The following MAGI2 variants were observed in gnomAD, a reference collection of about 807,000 sequenced individuals.
The protein encoded by MAGI2 is membrane associated guanylate kinase, WW and PDZ domain containing 2, also known as membrane-associated guanylate kinase, WW and PDZ domain-containing protein 2.
Under a neutral mutation model 133.3 loss-of-function variants are expected in MAGI2, and 35 were observed. The ratio of observed to expected loss-of-function variants is 0.26; its 90% CI spans 0.20 to 0.35. The LOEUF is 0.35. Among genes scored for constraint, MAGI2 ranks in the 10% least tolerant of loss-of-function variants. The pLI is 1.00. For missense variants in MAGI2, 1,636 were observed against 1,863.4 expected (o/e 0.88, Z 2.25); for synonymous variants, 729 against 710.6 (o/e 1.03, Z -0.41).
chr7:78,097,876 GC>G lies in MAGI2; in HGVS notation c.3568-18792del, dbSNP rs1379753728. Among the ~76,000 whole-genome samples the G allele has an allele frequency of 2.6e-5, 4 of 152,008 alleles. No homozygotes were observed. The East Asian group carries it at 7.7e-4, about 29-fold the overall frequency. ...GTCTAGAACTTTAAATTTAGGAAAG[GC>G]AACTACTTATCTTGGCTGACTTGTG... On this transcript the variant is annotated intron_variant, in intron 20 of 21. Coordinates refer to ENST00000354212, the MANE Select transcript of MAGI2 (RefSeq NM_012301.4).
At chr7:78,683,121 G>T (rs1815875589) in intron 2 of MAGI2, among the ~76,000 whole-genome samples, 1 of 152,274 alleles carries the variant, frequency 6.6e-6, no homozygotes, top group South Asian at 2.1e-4. Flanking sequence ...TGGTGATAAA[G>T]TTGGTTGTGA....
At chr7:78,726,227 A>C (rs1820793466) in intron 2 of MAGI2, among the ~76,000 whole-genome samples, 1 of 152,194 alleles carries the variant, frequency 6.6e-6, no homozygotes, top group African/African-American at 2.4e-5. Context: ...ACCACTGATA[A>C]TTTACAGTAC....
chr7:78,344,761 G>A (rs964627790), intron 8 of MAGI2, among the ~76,000 whole-genome samples: 33 of 152,204 alleles, frequency 2.2e-4, no homozygotes, highest in Non-Finnish European at 1.5e-4. Context: ...TCATATGCCC[G>A]AATAATCTGA....
chr7:78,306,620 G>A (rs987131475), intron 9 of MAGI2, among the ~76,000 whole-genome samples: 1 of 152,098 alleles, frequency 6.6e-6, no homozygotes, highest in Non-Finnish European at 1.5e-5. Flanking sequence ...TAAAATTATG[G>A]TTTTATGCAC....
chr7:78,405,686 A>G (rs1034950936), intron 6 of MAGI2, among the ~76,000 whole-genome samples: 1 of 152,082 alleles, frequency 6.6e-6, no homozygotes, highest in African/African-American at 2.4e-5. Flanking sequence ...GGAGAAAAAC[A>G]CTATTCATCT....
chr7:78,979,051 A>T (rs10240540), intron 2 of MAGI2, among the ~76,000 whole-genome samples: 9,025 of 151,996 alleles, frequency 0.059, 831 homozygotes, highest in African/African-American at 0.2. Context: ...GACATCAGTA[A>T]AAACTCAAGT....
intron 6 of MAGI2, among the ~76,000 whole-genome samples, chr7:78,439,330 C>T (rs1176098593): frequency 2.0e-5 from 3 of 152,178 alleles, no homozygotes; most frequent in Admixed American, 6.6e-5. Flanking sequence ...AAGGAACTTA[C>T]AGTCAAGCTA....
chr7:78,163,862 G>A (rs375181042), intron 15 of MAGI2, among the ~76,000 whole-genome samples: 4 of 145,886 alleles, frequency 2.7e-5, no homozygotes, highest in Non-Finnish European at 5.9e-5. Context: ...AGCTGAGATC[G>A]CGCCACTGCA....
intron 2 of MAGI2, among the ~76,000 whole-genome samples, chr7:78,904,726 C>T (rs775638978): frequency 6.6e-5 from 10 of 152,092 alleles, no homozygotes; most frequent in Non-Finnish European, 1.5e-4. Flanking sequence ...TGGTCTTGAA[C>T]TCCTGGCCTC....
intron 2 of MAGI2, among the ~76,000 whole-genome samples, chr7:78,805,286 A>T (rs570427623): frequency 1.3e-5 from 2 of 149,854 alleles, no homozygotes; most frequent in South Asian, 4.2e-4. Context: ...AAAACAATTG[A>T]CAGATTATTT....
intron 1 of MAGI2, among the ~76,000 whole-genome samples, chr7:79,218,637 A>G (rs1830214945): frequency 6.6e-6 from 1 of 152,088 alleles, no homozygotes; most frequent in Non-Finnish European, 1.5e-5. Context: ...TAGAAAAAGC[A>G]TCTCTATTTT....
At chr7:78,856,525 T>C (rs1283223993) in intron 2 of MAGI2, among the ~76,000 whole-genome samples, 1 of 152,216 alleles carries the variant, frequency 6.6e-6, no homozygotes, top group Non-Finnish European at 1.5e-5. Context: ...TCCCCATTGC[T>C]TGTTTTTGTC....
At chr7:78,558,689 A>G (rs1800073089) in intron 3 of MAGI2, among the ~76,000 whole-genome samples, 1 of 152,158 alleles carries the variant, frequency 6.6e-6, no homozygotes, top group Non-Finnish European at 1.5e-5. Flanking sequence ...CTAAGAGGTC[A>G]TATGATAAAA....
chr7:78,738,297 A>G (rs1262396855), intron 2 of MAGI2, among the ~76,000 whole-genome samples: 1 of 152,148 alleles, frequency 6.6e-6, no homozygotes, highest in African/African-American at 2.4e-5. Flanking sequence ...TAAATTAAGA[A>G]TTGTCATAGC....
intron 13 of MAGI2, among the ~76,000 whole-genome samples, chr7:78,182,769 A>G (rs917137253): frequency 7.9e-5 from 12 of 152,154 alleles, no homozygotes; most frequent in African/African-American, 2.9e-4. Context: ...TTGATCCTAA[A>G]CAAGGAAAGA....
intron 20 of MAGI2, among the ~76,000 whole-genome samples, chr7:78,080,660 C>A (rs1020410015): frequency 6.6e-6 from 1 of 152,208 alleles, no homozygotes; most frequent in African/African-American, 2.4e-5. Context: ...GCTTCAGACT[C>A]ACACGTCCAG....
At chr7:79,300,302 G>A (rs1338237597) in intron 1 of MAGI2, among the ~76,000 whole-genome samples, 1 of 152,198 alleles carries the variant, frequency 6.6e-6, no homozygotes, top group Non-Finnish European at 1.5e-5. Context: ...TATGGACAGT[G>A]AAGTCTGGAT....
At chr7:78,422,996 C>A (rs542849414) in intron 6 of MAGI2, among the ~76,000 whole-genome samples, 1 of 152,248 alleles carries the variant, frequency 6.6e-6, no homozygotes, top group South Asian at 2.1e-4. Flanking sequence ...ATTAGTTTTC[C>A]ACCTATTGTT....
chr7:78,858,784 G>T (rs1479056604), intron 2 of MAGI2, among the ~76,000 whole-genome samples: 1 of 151,900 alleles, frequency 6.6e-6, no homozygotes, highest in African/African-American at 2.4e-5. Context: ...TCAATTCCTG[G>T]ATATCCTTGT....
Sources: allele counts gnomAD v4.1 joint callset (sites outside exome capture counted in the v4.1 genomes callset), GRCh38; gene constraint gnomAD v4.1.1; transcripts MANE v1.5; gene names NCBI Gene and HGNC (gene_info 2026-07-23, HGNC 2026-07-21).